Variants in GNE observed in about 807,000 individuals in gnomAD.
The protein encoded by GNE is glucosamine (UDP-N-acetyl)-2-epimerase/N-acetylmannosamine kinase, also known as bifunctional UDP-N-acetylglucosamine 2-epimerase/N-acetylmannosamine kinase.
In GNE, 41 loss-of-function variants were observed where a neutral mutation model predicts 61.8. The ratio of observed to expected loss-of-function variants is 0.66; its 90% confidence interval spans 0.52 to 0.86. The LOEUF (loss-of-function observed/expected upper bound fraction) is 0.86. Ranked by LOEUF, GNE falls within the 40% of genes least tolerant of loss-of-function variation. The probability of loss-of-function intolerance (pLI) is 0.00; values close to 1 mark genes in which losing one functional copy is unlikely to be tolerated. For synonymous variants in GNE, 264 were observed against 326.4 expected (o/e 0.81, Z 2.06); for missense variants, 608 against 909.1 (o/e 0.67, Z 4.26).
At chr9:36,273,534 C>T (rs954593792) in intron 1 of GNE, among the ~76,000 whole-genome samples, 3 of 151,746 alleles carry the variant, frequency 2.0e-5, no homozygotes, top group African/African-American at 7.3e-5. Flanking sequence ...ATAAACTTTA[C>T]GTGTTTTGAA....
Position 36,223,488 on chromosome 9 carries a change from CT to C in GNE, c.1295del (p.Lys432ArgfsTer17). Reference protein sequence around the residue: ...AIVSMKGEIVKKYTQFNPKTY... With the variant: ...AIVSMKGEIVXKYTQFNPKTY... ...TTTTAGGATTGAACTGAGTATACTT[CT>C]TAACTATTTCACCCTAAAAGAGAAA... On this transcript the variant is annotated frameshift_variant, in exon 8 of 12. Transcript: ENST00000642385. LOFTEE classifies it high-confidence loss of function. 6.2e-7 allele frequency: 1 copy of C among 1,610,606 alleles called. No homozygotes were observed. The highest frequency in any genetic ancestry group is 1.1e-5 in the South Asian group (1 of 91,008).
In GNE at chr9:36,246,660, CTT is replaced by C. The variant is rs66781293; in HGVS notation, c.165-180_165-179del. 4.6e-3 allele frequency among the ~76,000 whole-genome samples: 544 copies of C among 118,876 alleles called. 1 individual carries two copies. Among genetic ancestry groups the C allele is most frequent in the African/African-American group, 0.016 (482 of 30,740 alleles). 78.0% of individuals were successfully genotyped at this position (118,876 alleles called of 152,430 possible). A position where few individuals can be genotyped will look rare whatever the true frequency, so the allele number is the denominator to read the frequency against. ...AAGTGTAAACAGCCTGATTAAGATT[CTT>C]TTTTTTTTTTTTTTTTTTTTTTTTG... On this transcript the variant is annotated intron_variant, in intron 2 of 11. Coordinates refer to ENST00000642385, the MANE Select transcript of GNE (RefSeq NM_005476.7).
chr9:36,257,599 C>G, intron 1 of GNE, among the ~76,000 whole-genome samples: 1 of 150,882 alleles, frequency 6.6e-6, no homozygotes, highest in Non-Finnish European at 1.5e-5. Flanking sequence ...GTCAGGAGAT[C>G]GAGACCATCC....
chr9:36,229,731 G>A lies in GNE; in HGVS notation c.983-623C>T, dbSNP rs193218667. Among the ~76,000 whole-genome samples the A allele has an allele frequency of 2.0e-5, 3 of 152,246 alleles. No homozygotes were observed. The East Asian group carries it at 5.8e-4, about 29-fold the overall frequency. ...ATGAGAAAAGATCACTCATGGATAG[G>A]TCCCTGAGAAGGCAGGAGTGGTTGG... On this transcript the variant is annotated intron_variant, in intron 5 of 11. Coordinates refer to ENST00000642385, the MANE Select transcript of GNE (RefSeq NM_005476.7).
At chr9:36,270,057 G>A (rs1830964448) in intron 1 of GNE, among the ~76,000 whole-genome samples, 2 of 152,076 alleles carry the variant, frequency 1.3e-5, no homozygotes, top group South Asian at 4.1e-4. Context: ...AAAATCCTGG[G>A]CTCAAGCGAT....
chr9:36,266,560 G>A (rs1051672277), intron 1 of GNE, among the ~76,000 whole-genome samples: 1 of 151,566 alleles, frequency 6.6e-6, no homozygotes, highest in Non-Finnish European at 1.5e-5. Context: ...GATCACCTGA[G>A]GTCAGGACTT....
chr9:36,217,819 C>T (rs189138258), intron 11 of GNE, among the ~76,000 whole-genome samples: 23 of 152,042 alleles, frequency 1.5e-4, no homozygotes, highest in Admixed American at 7.2e-4. Flanking sequence ...CACATGATCT[C>T]CACTAGGCAA....
chr9:36,252,275 G>A (rs1830135423), intron 1 of GNE, among the ~76,000 whole-genome samples: 1 of 152,050 alleles, frequency 6.6e-6, no homozygotes, highest in Admixed American at 6.6e-5. Context: ...ATGAGCCACC[G>A]CACGTGGCCG....
At chr9:36,260,232 A>G (rs1830560930), upstream of GNE, among the ~76,000 whole-genome samples, 1 of 150,726 alleles carries the variant, frequency 6.6e-6, no homozygotes, top group Non-Finnish European at 1.5e-5. Context: ...AGTGAGCTCG[A>G]TCAAACCACT....
intron 1 of GNE, among the ~76,000 whole-genome samples, chr9:36,269,542 C>G (rs1830941446): frequency 6.6e-6 from 1 of 151,930 alleles, no homozygotes; most frequent in African/African-American, 2.4e-5. Context: ...TTGACACTTT[C>G]ATTCAGACTC....
chr9:36,261,830 G>A (rs1381171011), upstream of GNE, among the ~76,000 whole-genome samples: 1 of 151,328 alleles, frequency 6.6e-6, no homozygotes, highest in Non-Finnish European at 1.5e-5. Flanking sequence ...GGCTGAGGCA[G>A]GAGAATGGCG....
At position 36,219,885 on chromosome 9, in the gene GNE, T is replaced by C. The variant is rs1363913351; in HGVS notation, c.1769A>G (p.Tyr590Cys). The stretch of plus-strand genomic sequence containing the variant: ...CCTCTGCAAGGCCATTCCAGAGGCG[T>C]ATGCTTCAATGCACCCATGGCTTCC... ...SCGSHGCIEA[Y>C]ASGMALQREA... The change falls in exon 10 of 12, where the codon TAC becomes TGC. Residue 590 changes from tyrosine to cysteine, a missense_variant. Tyr to Cys is a radical substitution (Grantham distance 194). Transcript: ENST00000642385. The C allele has an allele frequency of 6.2e-7, 1 of 1,614,076 alleles. No individual in the cohort carries two copies. The highest frequency in any genetic ancestry group is 1.3e-5 in the African/African-American group (1 of 74,930).
chr9:36,276,963 T>C, exon 1 of GNE: 1 of 1,613,192 alleles, frequency 6.2e-7, no homozygotes, highest in Non-Finnish European at 8.5e-7. Flanking sequence ...ACGAGCTCTG[T>C]ACCCTAGTGT....
intron 1 of GNE, among the ~76,000 whole-genome samples, chr9:36,271,283 T>A (rs1264218201): frequency 6.6e-6 from 1 of 152,228 alleles, no homozygotes; most frequent in African/African-American, 2.4e-5. Flanking sequence ...ACGCCATCTC[T>A]ATTGTGAAAC....
At chr9:36,249,045 G>A (rs1587347381) in intron 2 of GNE, 147 bp downstream of exon 2, 2 of 679,208 alleles carry the variant, frequency 2.9e-6, no homozygotes, top group South Asian at 1.6e-5. Context: ...GGAAACTGAG[G>A]CTCAGAGATG....
intron 3 of GNE, among the ~76,000 whole-genome samples, chr9:36,238,123 T>TACACACAC (rs201513947): frequency 1.9e-3 from 248 of 129,092 alleles, no homozygotes; most frequent in South Asian, 6.2e-3. Flanking sequence ...TATATATAGA[T>TACACACAC]ACACACACAC....
At chr9:36,247,234 T>C (rs1329697137) in intron 2 of GNE, among the ~76,000 whole-genome samples, 1 of 152,040 alleles carries the variant, frequency 6.6e-6, no homozygotes, top group Non-Finnish European at 1.5e-5. Context: ...TTTTTGTATT[T>C]TTAGTAGAGA....
At chr9:36,259,197 G>C (rs757815698), upstream of GNE, among the ~76,000 whole-genome samples, 4 of 152,196 alleles carry the variant, frequency 2.6e-5, no homozygotes, top group Non-Finnish European at 4.4e-5. Context: ...TGGGACTACA[G>C]GACCATGCCA....
At chr9:36,220,903 G>A (rs1407210580) in intron 9 of GNE, among the ~76,000 whole-genome samples, 2 of 152,146 alleles carry the variant, frequency 1.3e-5, no homozygotes, top group Non-Finnish European at 2.9e-5. Context: ...TCACTTCTTG[G>A]GCACTTATTC....
Sources: allele counts gnomAD v4.1 joint callset (sites outside exome capture counted in the v4.1 genomes callset), GRCh38; gene constraint gnomAD v4.1.1; transcripts MANE v1.5; gene names NCBI Gene and HGNC (gene_info 2026-07-23, HGNC 2026-07-21).